Variants in CHD3 observed in about 807,000 individuals in gnomAD.
CHD3 encodes chromodomain helicase DNA binding protein 3.
Under a neutral mutation model 248.9 loss-of-function variants are expected in CHD3, and 52 were observed. The ratio of observed to expected loss-of-function variants is 0.21; its 90% confidence interval spans 0.17 to 0.26. The LOEUF is 0.26. Ranked by LOEUF, CHD3 falls within the 10% of genes least tolerant of loss-of-function variation. The probability of loss-of-function intolerance (pLI) is 1.00; values close to 1 mark genes in which losing one functional copy is unlikely to be tolerated. For missense variants in CHD3, 1,482 were observed against 2,605.8 expected (o/e 0.57, Z 9.39); for synonymous variants, 985 against 985.2 (o/e 1.00, Z 0.00).
chr17:7,892,927 C>T (rs1969093036), intron 4 of CHD3, among the ~76,000 whole-genome samples: 2 of 152,150 alleles, frequency 1.3e-5, no homozygotes, highest in African/African-American at 4.8e-5. Flanking sequence ...GGTGCTGCCA[C>T]ACCCAGCTAA....
rs1971422115 is a variant in CHD3 at position 7,909,755 on chromosome 17, GCAGA to G, written c.5590+418_5590+421del. On this transcript the variant is annotated intron_variant, in intron 37 of 39. Coordinates refer to ENST00000330494, the MANE Select transcript of CHD3 (RefSeq NM_001005273.3). This position sits in a 1 kb window ranked among gnomAD's most constrained non-coding sequence, Gnocchi z 8.1. ...CCTCACATGTGTTTCACCCCATAAG[GCAGA>G]AACTACCACCCATCCAACCCTCTGG... 5.0e-6 allele frequency: 1 copy of G among 201,256 alleles called. No individual in the cohort carries two copies. The highest frequency in any genetic ancestry group is 1.4e-4 in the East Asian group (1 of 6,952). 12.5% of individuals were successfully genotyped at this position (201,256 alleles called of 1,614,324 possible). A position where few individuals can be genotyped will look rare whatever the true frequency, so the allele number is the denominator to read the frequency against.
At position 7,911,465 on chromosome 17, in the gene CHD3, C is replaced by T. The variant is rs751242177; in HGVS notation, c.5883C>T (p.Ala1961=). The T allele has an allele frequency of 1.4e-5, 23 of 1,614,130 alleles. 1 individual carries two copies. The South Asian group carries it at 1.5e-4, about 11-fold the overall frequency. ...TTTCCTTACCCCTTTCCCAAACAGC[C>T]GCCACCAACGGCCCTCCAGTGCTTG... ...SQMPAGSFIT[A]ATNGPPVLVK... is the part of the protein sequence containing the mutation. The change falls in exon 40 of 40, where the codon GCC becomes GCT. Residue 1961 remains alanine (A), a splice_region_variant and synonymous_variant. Coordinates refer to ENST00000330494, the MANE Select transcript of CHD3 (RefSeq NM_001005273.3). This position sits in a 1 kb window ranked among gnomAD's most constrained non-coding sequence, Gnocchi z 5.4.
chr17:7,887,980 C>G (rs1968228241), upstream of CHD3, among the ~76,000 whole-genome samples: 1 of 152,256 alleles, frequency 6.6e-6, no homozygotes, highest in South Asian at 2.1e-4. Flanking sequence ...GGCTTGTGCA[C>G]CACCCCTGGC....
Position 7,903,788 on chromosome 17 carries a change from G to A in CHD3, c.3728-37G>A. ...TTTCCCATCAGCCTTTCTAAACTTT[G>A]GAACCCAAAGTTCCCGTTTGTTTTC... is the stretch of plus-strand genomic sequence containing the variant. On this transcript the variant is annotated intron_variant, in intron 23 of 39. Transcript: ENST00000330494. The surrounding 1 kb of genome is among the most constrained non-coding windows in gnomAD (Gnocchi z 6.8). 2 of 1,607,308 alleles carry A rather than the reference G, an allele frequency of 1.2e-6. No homozygotes were observed. The highest frequency in any genetic ancestry group is 8.5e-7 in the Non-Finnish European group (1 of 1,174,866).
chr17:7,885,632 G>A (rs929016615), upstream of CHD3, among the ~76,000 whole-genome samples: 2 of 151,988 alleles, frequency 1.3e-5, no homozygotes, highest in African/African-American at 4.8e-5. Context: ...GGAGAGTGGG[G>A]TTTCCCCGCA....
chr17:7,892,398 T>A (rs1167374103), intron 4 of CHD3, among the ~76,000 whole-genome samples: 1 of 152,224 alleles, frequency 6.6e-6, no homozygotes, highest in Non-Finnish European at 1.5e-5. Context: ...GAAAGGGTTT[T>A]ATGAACTGTA....
At position 7,910,967 on chromosome 17, in the gene CHD3, A is replaced by T; in HGVS notation, c.5875A>T (p.Ile1959Phe). 1 of 1,612,554 alleles carries T rather than the reference A, an allele frequency of 6.2e-7. No homozygotes were observed. The highest frequency in any genetic ancestry group is 1.3e-5 in the African/African-American group (1 of 74,894). ...NYSQMPAGSFITAATNGPPVL... is the reference protein window; with the variant it reads ...NYSQMPAGSFFTAATNGPPVL... ...CAGCCAGATGCCTGCAGGGTCCTTC[A>T]TCACAGGTCAGCTGGTGTTTTCCTA... Residue 1959 changes from isoleucine (I) to phenylalanine (F), a missense_variant, in exon 39 of 40, where the codon ATC (isoleucine) becomes TTC (phenylalanine). Physicochemically the swap from Ile to Phe is conservative, Grantham distance 21 (BLOSUM62 0). This residue lies in a region of CHD3 where 117 missense variants were observed against 137.2 expected (regional missense o/e 0.85). Coordinates refer to ENST00000330494, the MANE Select transcript of CHD3 (RefSeq NM_001005273.3). The surrounding 1 kb of genome is among the most constrained non-coding windows in gnomAD (Gnocchi z 4.7).
Position 7,906,521 on chromosome 17 carries a change from C to T in CHD3, c.4359-32C>T, listed in dbSNP as rs998991783. ...TGCCCTATACCCCTTCTGTGGCTCC[C>T]CTAACCCTCCTCCCACTCCCATGCT... On this transcript the variant is annotated intron_variant, in intron 28 of 39. Transcript: ENST00000330494. This position sits in a 1 kb window ranked among gnomAD's most constrained non-coding sequence, Gnocchi z 5.0. 1.1e-5 allele frequency: 17 copies of T among 1,612,518 alleles called. No individual in the cohort carries two copies. In the South Asian group the frequency reaches 1.1e-4, roughly 10 times the overall value.
rs537283612 is a variant in CHD3, at chr17:7,896,591, G to A, written c.1708-492G>A. Among the ~76,000 whole-genome samples, 17 of 151,014 alleles carry A rather than the reference G, an allele frequency of 1.1e-4. No individual in the cohort carries two copies. In the East Asian group the frequency reaches 2.4e-3, roughly 21 times the overall value. On this transcript the variant is annotated intron_variant, in intron 10 of 39. Coordinates refer to ENST00000330494, the MANE Select transcript of CHD3 (RefSeq NM_001005273.3). ...TGGCTAATTTTGTATTTTTAGTAGA[G>A]ACGGGGTTTCTCCATGTTGATCAGG...
Position 7,904,100 on chromosome 17 carries a change from G to A in CHD3, c.3894+109G>A, listed in dbSNP as rs1970623508. 8.4e-7 allele frequency: 1 copy of A among 1,190,274 alleles called. No individual in the cohort carries two copies. Among genetic ancestry groups the A allele is most frequent in the Non-Finnish European group, 1.2e-6 (1 of 842,136 alleles). The allele number at this position is 1,190,274 out of a possible 1,614,324, so 73.7% of individuals were successfully genotyped here. ...GGTCTGTCCCCCTTAAAACAGTAGT[G>A]GACCTCAAACAACTTCTTCGTCTAA... is the stretch of plus-strand genomic sequence containing the variant. On this transcript the variant is annotated intron_variant, in intron 24 of 39. Transcript: ENST00000330494. This position sits in a 1 kb window ranked among gnomAD's most constrained non-coding sequence, Gnocchi z 4.4.
At position 7,903,791 on chromosome 17, in the gene CHD3, A is replaced by C. The variant is rs1484623063; in HGVS notation, c.3728-34A>C. 1 of 1,607,722 alleles carries C rather than the reference A, an allele frequency of 6.2e-7. No individual in the cohort carries two copies. The highest frequency in any genetic ancestry group is 1.3e-5 in the African/African-American group (1 of 74,756). ...CCCATCAGCCTTTCTAAACTTTGGA[A>C]CCCAAAGTTCCCGTTTGTTTTCCCT... On this transcript the variant is annotated intron_variant, in intron 23 of 39. Transcript: ENST00000330494. The surrounding 1 kb of genome is among the most constrained non-coding windows in gnomAD (Gnocchi z 6.8).
At chr17:7,887,046 G>A (rs1968072042), upstream of CHD3, among the ~76,000 whole-genome samples, 2 of 152,142 alleles carry the variant, frequency 1.3e-5, no homozygotes, top group South Asian at 4.1e-4. Context: ...AGTCGAATGA[G>A]TGACCCAGAT....
Position 7,901,357 on chromosome 17 carries a change from A to T in CHD3, c.3234A>T (p.Arg1078=), listed in dbSNP as rs755897000. The change falls in exon 20 of 40, where the codon CGA becomes CGT. Residue 1078 remains arginine (R), a synonymous_variant. Coordinates refer to ENST00000330494, the MANE Select transcript of CHD3 (RefSeq NM_001005273.3). ...GAAAGCTGAAGGAGCAAGGACACCGAGTGCTCATCTTCTCGCAGGTGACCT... is the reference window on the plus strand; with the variant it reads ...GAAAGCTGAAGGAGCAAGGACACCGTGTGCTCATCTTCTCGCAGGTGACCT... ...MLRKLKEQGH[R]VLIFSQMTKM... 6.2e-7 allele frequency: 1 copy of T among 1,611,356 alleles called. No individual in the cohort carries two copies. The highest frequency in any genetic ancestry group is 8.5e-7 in the Non-Finnish European group (1 of 1,178,248).
In CHD3 at chr17:7,908,847, A is replaced by G; in HGVS notation, c.5394+18A>G. On this transcript the variant is annotated intron_variant, in intron 36 of 39. Coordinates refer to ENST00000330494, the MANE Select transcript of CHD3 (RefSeq NM_001005273.3). This position sits in a 1 kb window ranked among gnomAD's most constrained non-coding sequence, Gnocchi z 5.8. ...GGTTCAAGGTGGGAATGAGGGAGGA[A>G]AGGAGCGGGTTATAGACGGGCTTGG... The G allele has an allele frequency of 1.2e-6, 2 of 1,614,066 alleles. No individual in the cohort carries two copies. The highest frequency in any genetic ancestry group is 1.7e-6 in the Non-Finnish European group (2 of 1,179,962).
rs1239962375 is a variant in CHD3 at position 7,890,718 on chromosome 17, G to C, written c.361G>C (p.Gly121Arg). The change falls in exon 3 of 40, where the codon GGG (glycine) becomes CGG (arginine). Residue 121 changes from glycine to arginine, a missense_variant. Physicochemically the swap from Gly to Arg is moderately radical, Grantham distance 125 (BLOSUM62 -2). Transcript: ENST00000330494. ...GAAGAAGACAAAGCGGCGGAAAAAG[G>C]GGGAGGGAGATGGGGGGCAAAAGGT... is the stretch of plus-strand genomic sequence containing the variant. ...KEKKTKRRKKGEGDGGQKQVE... is the reference protein window; with the variant it reads ...KEKKTKRRKKREGDGGQKQVE... 1.4e-5 allele frequency: 23 copies of C among 1,589,720 alleles called. No homozygotes were observed. Among genetic ancestry groups the C allele is most frequent in the East Asian group, 4.5e-5 (2 of 44,168 alleles).
chr17:7,910,707 C>CA lies in CHD3; in HGVS notation c.5754+117dup. 2.7e-6 allele frequency: 4 copies of CA among 1,508,950 alleles called. No homozygotes were observed. In the South Asian group the frequency reaches 3.8e-5, roughly 14 times the overall value. The allele number at this position is 1,508,950 out of a possible 1,614,324, so 93.5% of individuals were successfully genotyped here. A position where few individuals can be genotyped will look rare whatever the true frequency, so the allele number is the denominator to read the frequency against. ...GAAAAACAACTTGCTAGAACACAGT[C>CA]ATCACCCTTGAGTGAGTCTCCCTGC... On this transcript the variant is annotated intron_variant, in intron 38 of 39. Coordinates refer to ENST00000330494, the MANE Select transcript of CHD3 (RefSeq NM_001005273.3). This position sits in a 1 kb window ranked among gnomAD's most constrained non-coding sequence, Gnocchi z 4.7.
chr17:7,905,814 C>G lies in CHD3; in HGVS notation c.4225-42C>G. The G allele has an allele frequency of 1.9e-6, 3 of 1,614,078 alleles. No individual in the cohort carries two copies. Among genetic ancestry groups the G allele is most frequent in the Non-Finnish European group, 2.5e-6 (3 of 1,180,000 alleles). The stretch of plus-strand genomic sequence containing the variant: ...GGTAGAAAGGACAAGACCTAAGAAC[C>G]CTAGACATTTGTCGCCATTGCCTCC... On this transcript the variant is annotated intron_variant, in intron 27 of 39. Transcript: ENST00000330494. This position sits in a 1 kb window ranked among gnomAD's most constrained non-coding sequence, Gnocchi z 5.8.
In CHD3 at chr17:7,907,460, T is replaced by G; in HGVS notation, c.4896T>G (p.Pro1632=). The G allele has an allele frequency of 6.2e-7, 1 of 1,604,576 alleles. No individual in the cohort carries two copies. Among genetic ancestry groups the G allele is most frequent in the South Asian group, 1.1e-5 (1 of 89,528 alleles). ...PGVPGEMEPE[P]GYRGDREKSA... The stretch of plus-strand genomic sequence containing the variant: ...TGCCTGGAGAGATGGAGCCTGAACC[T>G]GGGTACCGTGGGGACAGAGAGAAGT... Residue 1632 remains proline, a synonymous_variant, in exon 32 of 40, where the codon CCT becomes CCG. Coordinates refer to ENST00000330494, the MANE Select transcript of CHD3 (RefSeq NM_001005273.3). This position sits in a 1 kb window ranked among gnomAD's most constrained non-coding sequence, Gnocchi z 4.3.
intron 10 of CHD3, among the ~76,000 whole-genome samples, chr17:7,896,386 C>T (rs1969654940): frequency 6.6e-6 from 1 of 150,918 alleles, no homozygotes; most frequent in South Asian, 2.1e-4. Flanking sequence ...ATCTCTAATC[C>T]ATCCTTTTTC....
Sources: allele counts gnomAD v4.1 joint callset (sites outside exome capture counted in the v4.1 genomes callset), GRCh38; gene constraint gnomAD v4.1.1; regional missense constraint gnomAD v4.1.1; non-coding constraint Gnocchi (gnomAD v3.1); transcripts MANE v1.5; gene names NCBI Gene and HGNC (gene_info 2026-07-23, HGNC 2026-07-21).